PACS2: variants seen among roughly 807,000 people sequenced by gnomAD.
The protein encoded by PACS2 is phosphofurin acidic cluster sorting protein 2, also known as PACS1-like protein.
A neutral mutation model predicts 113.0 loss-of-function variants in PACS2; 36 were observed. That is an observed-to-expected ratio of 0.32 (90% CI 0.24 to 0.42). The LOEUF is 0.42. PACS2 is among the 10% of genes least tolerant of loss of function. The pLI is 1.00. For synonymous variants in PACS2, 589 were observed against 536.1 expected, an observed-to-expected ratio of 1.10 and a Z score of -1.36; for missense variants, 1,015 against 1,239.5, an observed-to-expected ratio of 0.82 and a Z score of 2.72.
chr14:105,387,881 C>T (rs747694217), intron 19 of PACS2, among the ~76,000 whole-genome samples: 2 of 152,322 alleles, frequency 1.3e-5, no homozygotes, highest in East Asian at 1.9e-4. Flanking sequence ...TCTGTGCCTT[C>T]GCGTGCCTGG....
rs587617378 is a variant in PACS2, at chr14:105,334,588, G to T, written c.120-13905G>T. Among the ~76,000 whole-genome samples, 3 of 152,238 alleles carry T rather than the reference G, an allele frequency of 2.0e-5. No individual in the cohort carries two copies. In the East Asian group the frequency reaches 5.8e-4, roughly 29 times the overall value. On this transcript the variant is annotated intron_variant, in intron 1 of 24. Transcript: ENST00000447393. The stretch of plus-strand genomic sequence containing the variant: ...CCACCTGAGGGCCAGTATGTGCGTA[G>T]AGCTCCACCTGAGGCCCAGTGTCTA...
In PACS2 at chr14:105,368,438, C is replaced by T. The variant is rs781966753; in HGVS notation, c.661-21C>T. The T allele has an allele frequency of 1.9e-5, 30 of 1,593,556 alleles. No individual in the cohort carries two copies. The South Asian group carries it at 2.9e-4, about 15-fold the overall frequency. On this transcript the variant is annotated intron_variant, in intron 6 of 24. Transcript: ENST00000447393. ...ACTATGCAGGCTGCCGTGGCCTCAGCCACTGCATATGTCTCTGCAGGACTT... is the reference window on the plus strand; with the variant it reads ...ACTATGCAGGCTGCCGTGGCCTCAGTCACTGCATATGTCTCTGCAGGACTT...
intron 1 of PACS2, among the ~76,000 whole-genome samples, chr14:105,339,995 T>G (rs2059665242): frequency 6.6e-6 from 1 of 152,226 alleles, no homozygotes; most frequent in African/African-American, 2.4e-5. Context: ...CCCAGGCTGG[T>G]CTTGAGCTCC....
chr14:105,385,791 C>T (rs587773340), intron 19 of PACS2, 74 bp downstream of exon 19: 17 of 927,484 alleles, frequency 1.8e-5, no homozygotes, highest in African/African-American at 5.0e-5. Flanking sequence ...GGCAGAGTCA[C>T]GTAGGAATCA....
chr14:105,303,479 G>A (rs1470642241), intron 1 of PACS2, among the ~76,000 whole-genome samples: 1 of 152,026 alleles, frequency 6.6e-6, no homozygotes, highest in Non-Finnish European at 1.5e-5. Flanking sequence ...TCCTGACCTC[G>A]TGATCCACCT....
Position 105,314,926 on chromosome 14 carries a change from A to G in PACS2, c.8A>G (p.Glu3Gly), listed in dbSNP as rs2058499511. Residue 3 changes from glutamate (E) to glycine (G), a missense_variant, in exon 1 of 25, where the codon GAG becomes GGG. Physicochemically the swap from Glu to Gly is moderately conservative, Grantham distance 98. Transcript: ENST00000447393. ...AGCGGCGGGGCCGGCGCCATGGCCG[A>G]GCGAGGCCGCCTCGGCCTCCCCGGC... MAERGRLGLPGAP... is the reference protein window; with the variant it reads MAGRGRLGLPGAP... The G allele has an allele frequency of 1.9e-6, 2 of 1,069,560 alleles. No homozygotes were observed. 66.3% of individuals were successfully genotyped at this position (1,069,560 alleles called of 1,614,324 possible).
intron 19 of PACS2, among the ~76,000 whole-genome samples, chr14:105,388,430 G>A (rs926206833): frequency 1.3e-5 from 2 of 152,254 alleles, no homozygotes; most frequent in Non-Finnish European, 2.9e-5. Context: ...GCCCTGCAGG[G>A]CTCTTGAGGA....
intron 1 of PACS2, among the ~76,000 whole-genome samples, chr14:105,326,391 C>T (rs1302693816): frequency 2.0e-5 from 3 of 152,246 alleles, no homozygotes; most frequent in Admixed American, 6.5e-5. Context: ...GCCCCAGGAG[C>T]GCCTCAGGAG....
At chr14:105,318,808 G>A (rs61996227) in intron 1 of PACS2, among the ~76,000 whole-genome samples, 20,900 of 149,518 alleles carry the variant, frequency 0.14, 1,945 homozygotes, top group Admixed American at 0.2. Flanking sequence ...ACAGGCGCCC[G>A]CCACCACGCC....
rs1251940078 is a variant in PACS2, at chr14:105,329,278, G to A, written c.119+14241G>A. Among the ~76,000 whole-genome samples the A allele has an allele frequency of 6.6e-6, 1 of 152,198 alleles. No individual in the cohort carries two copies. The highest frequency in any genetic ancestry group is 2.4e-5 in the African/African-American group (1 of 41,444). The stretch of plus-strand genomic sequence containing the variant: ...AGGGGCCTGGCTGCAGCTGCCCTGT[G>A]TGATCTCTGTCCCCGTCTTCTCCCG... On this transcript the variant is annotated intron_variant, in intron 1 of 24. Transcript: ENST00000447393. The surrounding 1 kb of genome is among the most constrained non-coding windows in gnomAD (Gnocchi z 6.4).
Position 105,391,094 on chromosome 14 carries a change from G to A in PACS2, c.2077-113G>A, listed in dbSNP as rs587606358. 419 of 781,066 alleles carry A rather than the reference G, an allele frequency of 5.4e-4. 3 individuals are homozygous for A. The highest frequency in any genetic ancestry group is 9.3e-5 in the Non-Finnish European group (41 of 440,532). 48.4% of individuals were successfully genotyped at this position (781,066 alleles called of 1,614,324 possible). A position where few individuals can be genotyped will look rare whatever the true frequency, so the allele number is the denominator to read the frequency against. On this transcript the variant is annotated intron_variant, in intron 20 of 24. Coordinates refer to ENST00000447393, the MANE Select transcript of PACS2 (RefSeq NM_001100913.3). ...AGGAGGGAGCTGGCACCACCTGGCCGCTCCAGCATCATGGGAGTGGTGGCC... is the reference window on the plus strand; with the variant it reads ...AGGAGGGAGCTGGCACCACCTGGCCACTCCAGCATCATGGGAGTGGTGGCC...
At position 105,393,427 on chromosome 14, in the gene PACS2, T is replaced by A. The variant is rs587761286; in HGVS notation, c.2596+92T>A. On this transcript the variant is annotated intron_variant, in intron 24 of 24. Coordinates refer to ENST00000447393, the MANE Select transcript of PACS2 (RefSeq NM_001100913.3). ...GAGCCCAGCCTAGGAGCTGCGGGTG[T>A]CTCGCTGTGACACGCACATTCCACG... is the stretch of plus-strand genomic sequence containing the variant. The A allele has an allele frequency of 5.1e-6, 4 of 777,200 alleles. No individual in the cohort carries two copies. In the East Asian group the frequency reaches 1.1e-4, roughly 20 times the overall value. 48.1% of individuals were successfully genotyped at this position (777,200 alleles called of 1,614,324 possible). A position where few individuals can be genotyped will look rare whatever the true frequency, so the allele number is the denominator to read the frequency against.
intron 21 of PACS2, 161 bp from the exon 22 acceptor site, chr14:105,391,470 G>A: frequency 1.4e-6 from 1 of 707,370 alleles, no homozygotes; most frequent in Non-Finnish European, 2.3e-6. Flanking sequence ...AAAAACCGAG[G>A]AGAATCCGAG....
rs587740409 is a variant in PACS2, at chr14:105,379,406, C to T, written c.960-333C>T. Among the ~76,000 whole-genome samples the T allele has an allele frequency of 3.3e-5, 5 of 152,334 alleles. No individual in the cohort carries two copies. In the South Asian group the frequency reaches 8.3e-4, roughly 25 times the overall value. On this transcript the variant is annotated intron_variant, in intron 9 of 24. Transcript: ENST00000447393. ...GCCAGTGGAGCTCTCCCCAGAGCCC[C>T]TTCGTGTTTGTGGCAGCCTTGCCTG... is the stretch of plus-strand genomic sequence containing the variant.
intron 5 of PACS2, 41 bp from the exon 6 acceptor site, chr14:105,368,033 G>A: frequency 7.3e-7 from 1 of 1,378,372 alleles, no homozygotes; most frequent in Non-Finnish European, 1.0e-6. Flanking sequence ...TTCCCGGGTG[G>A]AATCTCACGG....
chr14:105,328,230 C>T (rs924707839), intron 1 of PACS2, among the ~76,000 whole-genome samples: 1 of 152,220 alleles, frequency 6.6e-6, no homozygotes, highest in Non-Finnish European at 1.5e-5. Context: ...CACCCCCTGC[C>T]CCAACCCCCG....
chr14:105,366,998 G>A lies in PACS2; in HGVS notation c.424-215G>A, dbSNP rs782364149. Reference sequence around the variant, plus strand: ...TCCCACGTGTTCCTCTCGTCTGTCCGCCTGGCTCCTGTGTCCTCCTCTCGT... The same window carrying A: ...TCCCACGTGTTCCTCTCGTCTGTCCACCTGGCTCCTGTGTCCTCCTCTCGT... On this transcript the variant is annotated intron_variant, in intron 4 of 24. Transcript: ENST00000447393. This position sits in a 1 kb window ranked among gnomAD's most constrained non-coding sequence, Gnocchi z 4.3. 1.2e-4 allele frequency among the ~76,000 whole-genome samples: 18 copies of A among 152,042 alleles called. No individual in the cohort carries two copies. Among genetic ancestry groups the A allele is most frequent in the Non-Finnish European group, 2.4e-4 (16 of 67,992 alleles).
intron 13 of PACS2, 61 bp from the exon 14 acceptor site, chr14:105,382,416 G>T (rs191299378): frequency 1.4e-4 from 133 of 981,114 alleles, no homozygotes; most frequent in Non-Finnish European, 2.0e-4. Context: ...ACCAGGGCTG[G>T]CGTGGTGGGG....
At chr14:105,345,930 G>A (rs1408226374) in intron 1 of PACS2, among the ~76,000 whole-genome samples, 2 of 152,206 alleles carry the variant, frequency 1.3e-5, no homozygotes, top group African/African-American at 2.4e-5. Flanking sequence ...AGGCCCTTCC[G>A]CGTTTCTGCC....
Sources: allele counts gnomAD v4.1 joint callset (sites outside exome capture counted in the v4.1 genomes callset), GRCh38; gene constraint gnomAD v4.1.1; non-coding constraint Gnocchi (gnomAD v3.1); transcripts MANE v1.5; gene names NCBI Gene and HGNC (gene_info 2026-07-23, HGNC 2026-07-21).